PDZRN4: variants seen among roughly 807,000 people sequenced by gnomAD.
PDZRN4 encodes the protein PDZ domain-containing RING finger protein 4.
A neutral mutation model predicts 99.0 loss-of-function variants in PDZRN4; 70 were observed. The observed-to-expected ratio is 0.71, with a 90% CI of 0.58 to 0.86. The LOEUF is 0.86. Among genes scored for constraint, PDZRN4 ranks in the 40% least tolerant of loss-of-function variants. PDZRN4 has a pLI of 0.00. For missense variants in PDZRN4, 1,474 were observed against 1,331.2 expected (o/e 1.11, Z -1.67); for synonymous variants, 551 against 501.6 (o/e 1.10, Z -1.32).
At chr12:41,399,297 A>G (rs1246576840) in intron 3 of PDZRN4, among the ~76,000 whole-genome samples, 1 of 152,230 alleles carries the variant, frequency 6.6e-6, no homozygotes, top group Non-Finnish European at 1.5e-5. Flanking sequence ...ATGAAAGCAT[A>G]AGAGTATTAA....
At chr12:41,402,186 TATATACACACACACTGAGTATAC>T (rs1294249526) in intron 3 of PDZRN4, among the ~76,000 whole-genome samples, 12 of 106,714 alleles carry the variant, frequency 1.1e-4, no homozygotes, top group African/African-American at 4.4e-4. Flanking sequence ...AGTATATATA[TATATACACACACACTGAGTATAC>T]ATATATATAC....
At chr12:41,378,850 TAAG>T (rs1166569601) in intron 3 of PDZRN4, among the ~76,000 whole-genome samples, 5 of 152,144 alleles carry the variant, frequency 3.3e-5, no homozygotes, top group African/African-American at 9.7e-5. Context: ...TGGAGAAGCT[TAAG>T]AAGAATTGGC....
chr12:41,353,739 C>A (rs778196627), intron 3 of PDZRN4, among the ~76,000 whole-genome samples: 25 of 152,202 alleles, frequency 1.6e-4, no homozygotes, highest in Non-Finnish European at 3.2e-4. Flanking sequence ...TAAATCAATT[C>A]TCTTGCCTCC....
intron 3 of PDZRN4, among the ~76,000 whole-genome samples, chr12:41,406,663 G>A (rs1420620702): frequency 1.3e-5 from 2 of 152,008 alleles, no homozygotes; most frequent in African/African-American, 4.8e-5. Flanking sequence ...GGAGGCCGAG[G>A]CGGGCAGATC....
intron 3 of PDZRN4, among the ~76,000 whole-genome samples, chr12:41,342,749 A>T (rs1162644073): frequency 2.0e-5 from 3 of 151,962 alleles, no homozygotes; most frequent in Admixed American, 2.0e-4. Context: ...ACACTTACAC[A>T]CTGTTGGTGG....
intron 5 of PDZRN4, among the ~76,000 whole-genome samples, chr12:41,513,581 C>T (rs1223433187): frequency 6.6e-6 from 1 of 152,052 alleles, no homozygotes; most frequent in Non-Finnish European, 1.5e-5. Context: ...TTCCATGCCA[C>T]TGGAATTTCA....
intron 3 of PDZRN4, among the ~76,000 whole-genome samples, chr12:41,451,174 TA>T (rs34555314): frequency 0.49 from 73,081 of 149,122 alleles, 18,258 homozygotes; most frequent in Middle Eastern, 0.64. Flanking sequence ...AATTTAGATT[TA>T]AAAAAAAAAA....
At chr12:41,357,925 A>AT (rs1951938911) in intron 3 of PDZRN4, among the ~76,000 whole-genome samples, 1 of 152,010 alleles carries the variant, frequency 6.6e-6, no homozygotes, top group African/African-American at 2.4e-5. Flanking sequence ...CCAGTACCTG[A>AT]TAAGTGAGAA....
intron 3 of PDZRN4, among the ~76,000 whole-genome samples, chr12:41,364,007 T>C (rs1045065356): frequency 6.6e-6 from 1 of 152,152 alleles, no homozygotes; most frequent in Non-Finnish European, 1.5e-5. Context: ...AAGTAGATAT[T>C]GTAAGTTCAG....
rs2121076963 is a variant in PDZRN4 at position 41,369,895 on chromosome 12, G to T, written c.844-136561G>T. Among the ~76,000 whole-genome samples, 3 of 151,608 alleles carry T rather than the reference G, an allele frequency of 2.0e-5. No homozygotes were observed. The South Asian group carries it at 6.3e-4, about 32-fold the overall frequency. ...AGATTAATCAAAATATTTTAATCCAGACCTATTCCCATGATTCAGATATTA... is the reference window on the plus strand; with the variant it reads ...AGATTAATCAAAATATTTTAATCCATACCTATTCCCATGATTCAGATATTA... On this transcript the variant is annotated intron_variant, in intron 3 of 9. Coordinates refer to ENST00000402685, the MANE Select transcript of PDZRN4 (RefSeq NM_001164595.2).
intron 3 of PDZRN4, among the ~76,000 whole-genome samples, chr12:41,448,252 A>G (rs1207320500): frequency 6.6e-6 from 1 of 152,140 alleles, no homozygotes; most frequent in Non-Finnish European, 1.5e-5. Flanking sequence ...GAAAACTATA[A>G]CTTTCTATTT....
intron 3 of PDZRN4, among the ~76,000 whole-genome samples, chr12:41,260,480 A>G (rs1387738151): frequency 6.6e-6 from 1 of 152,172 alleles, no homozygotes; most frequent in Non-Finnish European, 1.5e-5. Context: ...AATGTAGCAT[A>G]TGTAAGTTAT....
intron 3 of PDZRN4, among the ~76,000 whole-genome samples, chr12:41,265,394 T>C (rs1951269359): frequency 6.6e-6 from 1 of 152,172 alleles, no homozygotes; most frequent in African/African-American, 2.4e-5. Flanking sequence ...TTTATTTAAT[T>C]CAAATATAAT....
chr12:41,504,895 A>G (rs1938178490), intron 3 of PDZRN4, among the ~76,000 whole-genome samples: 1 of 152,322 alleles, frequency 6.6e-6, no homozygotes, highest in South Asian at 2.1e-4. Flanking sequence ...GTGATTCAAG[A>G]GCAAGAACTG....
intron 3 of PDZRN4, among the ~76,000 whole-genome samples, chr12:41,355,609 T>G (rs1193052475): frequency 6.6e-6 from 1 of 152,090 alleles, no homozygotes; most frequent in Non-Finnish European, 1.5e-5. Flanking sequence ...TTTAACAACC[T>G]TTTCAAATCT....
intron 3 of PDZRN4, among the ~76,000 whole-genome samples, chr12:41,435,066 C>T (rs1034211422): frequency 3.9e-5 from 6 of 152,152 alleles, no homozygotes; most frequent in Admixed American, 1.3e-4. Flanking sequence ...GGTAGAATCT[C>T]TCCAGGGTAA....
At chr12:41,368,898 T>G (rs1461150774) in intron 3 of PDZRN4, among the ~76,000 whole-genome samples, 1 of 152,018 alleles carries the variant, frequency 6.6e-6, no homozygotes, top group African/African-American at 2.4e-5. Flanking sequence ...GGGTGCCTCC[T>G]AGGACAATGG....
chr12:41,320,851 CA>C (rs1311002457), intron 3 of PDZRN4, among the ~76,000 whole-genome samples: 2 of 152,010 alleles, frequency 1.3e-5, no homozygotes, highest in African/African-American at 4.8e-5. Flanking sequence ...ATAAAAATTT[CA>C]AGAAGAAATC....
intron 5 of PDZRN4, among the ~76,000 whole-genome samples, chr12:41,517,912 A>G (rs1235287444): frequency 6.6e-6 from 1 of 152,094 alleles, no homozygotes; most frequent in Non-Finnish European, 1.5e-5. Flanking sequence ...CTCTGACTTT[A>G]GCTTTAGCAT....
Sources: gnomAD v4.1 joint callset for allele counts (sites outside exome capture counted in the v4.1 genomes callset) on GRCh38, gnomAD v4.1.1 for gene constraint, MANE v1.5 for transcripts, NCBI Gene and HGNC (gene_info 2026-07-23, HGNC 2026-07-21) for gene names.